The following SLCO4C1 variants were observed in gnomAD, a reference collection of about 807,000 sequenced individuals.
SLCO4C1 encodes the protein organic anion transporter M1.
SLCO4C1 carries 58 observed loss-of-function variants against 72.1 expected under a neutral mutation model. That is an observed-to-expected ratio of 0.80 (90% confidence interval 0.65 to 1.00). The LOEUF (loss-of-function observed/expected upper bound fraction) is 1.00. SLCO4C1 is among the 50% of genes least tolerant of loss of function. SLCO4C1 has a pLI of 0.00. For missense variants in SLCO4C1, 898 were observed against 857.9 expected (o/e 1.05, Z -0.58); for synonymous variants, 297 against 312.5 (o/e 0.95, Z 0.52).
intron 2 of SLCO4C1, among the ~76,000 whole-genome samples, chr5:102,280,991 A>G (rs895892958): frequency 6.6e-6 from 1 of 152,194 alleles, no homozygotes; most frequent in Admixed American, 6.6e-5. Context: ...ATATAGAAAT[A>G]AAAAGGAATG....
At chr5:102,274,975 C>T (rs1749222586) in intron 2 of SLCO4C1, among the ~76,000 whole-genome samples, 1 of 151,832 alleles carries the variant, frequency 6.6e-6, no homozygotes, top group South Asian at 2.1e-4. Flanking sequence ...GTTACCACGG[C>T]ATTTACAGAA....
chr5:102,240,312 C>T (rs925663221), intron 11 of SLCO4C1, among the ~76,000 whole-genome samples: 1 of 151,976 alleles, frequency 6.6e-6, no homozygotes, highest in African/African-American at 2.4e-5. Flanking sequence ...TTCTTTCTTC[C>T]AATAATTCTT....
At chr5:102,271,455 A>G (rs1046217007) in intron 2 of SLCO4C1, among the ~76,000 whole-genome samples, 4 of 151,638 alleles carry the variant, frequency 2.6e-5, no homozygotes, top group Admixed American at 1.3e-4. Flanking sequence ...CAGGTTACAA[A>G]GAGTGAAACT....
chr5:102,254,038 C>T (rs1406397680), intron 8 of SLCO4C1, among the ~76,000 whole-genome samples: 4 of 152,016 alleles, frequency 2.6e-5, no homozygotes, highest in East Asian at 1.9e-4. Flanking sequence ...TATCAATGAA[C>T]CTAATTCATT....
At chr5:102,255,972 G>A (rs58111494) in intron 8 of SLCO4C1, among the ~76,000 whole-genome samples, 7,929 of 131,526 alleles carry the variant, frequency 0.06, 652 homozygotes, top group African/African-American at 0.19. Flanking sequence ...TTGGGTGGCC[G>A]AGCCAGGCAG....
In SLCO4C1 at chr5:102,284,942, A is replaced by G. The variant is rs1749422971; in HGVS notation, c.619+6401T>C. ...GCTGCATTAGAGCACCTAGCATTTC[A>G]TGATGATTGTGAAACTCCTATTTTA... On this transcript the variant is annotated intron_variant, in intron 2 of 12. Transcript: ENST00000310954. Among the ~76,000 whole-genome samples the G allele has an allele frequency of 2.0e-5, 3 of 152,298 alleles. No homozygotes were observed. In the South Asian group the frequency reaches 6.2e-4, roughly 32 times the overall value.
intron 2 of SLCO4C1, among the ~76,000 whole-genome samples, chr5:102,275,894 A>G (rs186602550): frequency 1.1e-4 from 16 of 152,312 alleles, no homozygotes; most frequent in Admixed American, 4.6e-4. Flanking sequence ...GGTTAGAATC[A>G]TAACAAAAGT....
At chr5:102,261,136 G>A (rs1208813431) in intron 5 of SLCO4C1, among the ~76,000 whole-genome samples, 2 of 152,122 alleles carry the variant, frequency 1.3e-5, no homozygotes, top group Non-Finnish European at 2.9e-5. Context: ...ATTCAAGCCG[G>A]ATGTGGTGGC....
intron 2 of SLCO4C1, among the ~76,000 whole-genome samples, chr5:102,286,527 G>A (rs1380612455): frequency 6.6e-6 from 1 of 152,032 alleles, no homozygotes; most frequent in Non-Finnish European, 1.5e-5. Flanking sequence ...ATATTATGTT[G>A]AAGTAAGTCA....
chr5:102,261,268 C>T (rs1230731147), intron 5 of SLCO4C1, among the ~76,000 whole-genome samples: 1 of 151,780 alleles, frequency 6.6e-6, no homozygotes, highest in South Asian at 2.1e-4. Context: ...CAAAATTAGC[C>T]GAGAGTGGTG....
chr5:102,263,518 T>C lies in SLCO4C1; in HGVS notation c.899+166A>G, dbSNP rs566281330. 1.1e-4 allele frequency among the ~76,000 whole-genome samples: 17 copies of C among 152,232 alleles called. No individual in the cohort carries two copies. The South Asian group carries it at 3.3e-3, about 30-fold the overall frequency. ...GGTATAGCACTGACCCAAAAGGTAA[T>C]GCAGCCAAATAAGATATTATATAAG... On this transcript the variant is annotated intron_variant, in intron 4 of 12. Transcript: ENST00000310954.
chr5:102,257,805 A>T, intron 7 of SLCO4C1, 138 bp downstream of exon 7: 1 of 759,354 alleles, frequency 1.3e-6, no homozygotes, highest in Non-Finnish European at 2.1e-6. Context: ...TTTTTGGTAC[A>T]GACAGGGTTT....
At chr5:102,269,645 TTTAAGACCA>T (rs1337989040) in intron 3 of SLCO4C1, among the ~76,000 whole-genome samples, 3 of 152,206 alleles carry the variant, frequency 2.0e-5, no homozygotes, top group Non-Finnish European at 4.4e-5. Context: ...ACTGAGTTTC[TTTAAGACCA>T]TTAGCTCAAA....
chr5:102,254,096 C>T (rs1364679513), intron 8 of SLCO4C1, among the ~76,000 whole-genome samples: 1 of 152,084 alleles, frequency 6.6e-6, no homozygotes, highest in Admixed American at 6.6e-5. Context: ...CTTACCATGG[C>T]AAAAGTCAAA....
At chr5:102,243,576 C>T (rs1416891912) in intron 10 of SLCO4C1, among the ~76,000 whole-genome samples, 2 of 152,178 alleles carry the variant, frequency 1.3e-5, no homozygotes, top group African/African-American at 4.8e-5. Flanking sequence ...AAAATTAGAA[C>T]ACCCAAGTCC....
chr5:102,263,841 A>C, intron 3 of SLCO4C1, 61 bp from the exon 4 acceptor site: 1 of 1,228,548 alleles, frequency 8.1e-7, no homozygotes, highest in South Asian at 1.3e-5. Context: ...TGCATATCTA[A>C]CAGTGAAAAC....
chr5:102,286,013 A>G (rs1749445279), intron 2 of SLCO4C1, among the ~76,000 whole-genome samples: 1 of 152,144 alleles, frequency 6.6e-6, no homozygotes, highest in Admixed American at 6.5e-5. Context: ...AGAAAAAAAG[A>G]TAAAATAGTA....
chr5:102,270,910 C>A lies in SLCO4C1; in HGVS notation c.620-104G>T, dbSNP rs530792373. The A allele has an allele frequency of 5.4e-5, 48 of 886,054 alleles. No individual in the cohort carries two copies. In the African/African-American group the frequency reaches 6.4e-4, roughly 12 times the overall value. The allele number at this position is 886,054 out of a possible 1,614,324, so 54.9% of individuals were successfully genotyped here. On this transcript the variant is annotated intron_variant, in intron 2 of 12. Transcript: ENST00000310954. ...TAATATAATATAACCTTATTTATTT[C>A]TTCCAATCATTTTACTTTGATTTAA...
At chr5:102,244,567 CAAAGA>C (rs1748604510) in intron 10 of SLCO4C1, among the ~76,000 whole-genome samples, 1 of 152,026 alleles carries the variant, frequency 6.6e-6, no homozygotes, top group South Asian at 2.1e-4. Flanking sequence ...AGATTTAACC[CAAAGA>C]AGACTACCTC....
Sources: allele counts gnomAD v4.1 joint callset (sites outside exome capture counted in the v4.1 genomes callset), GRCh38; gene constraint gnomAD v4.1.1; transcripts MANE v1.5; gene names NCBI Gene and HGNC (gene_info 2026-07-23, HGNC 2026-07-21).